The following GLIS3 variants were observed in gnomAD, a reference collection of about 807,000 sequenced individuals.
GLIS3 encodes zinc finger protein GLIS3.
In GLIS3, 53 loss-of-function variants were observed where a neutral mutation model predicts 78.6. That is an observed-to-expected ratio of 0.67 (90% confidence interval 0.54 to 0.85). GLIS3 has a LOEUF of 0.85. GLIS3 is among the 40% of genes least tolerant of loss of function. The probability of loss-of-function intolerance (pLI) is 0.00; values close to 1 mark genes in which losing one functional copy is unlikely to be tolerated. For missense variants in GLIS3, 1,703 were observed against 1,231.1 expected (o/e 1.38, Z -5.74); for synonymous variants, 684 against 509.9 (o/e 1.34, Z -4.60).
At chr9:4,134,469 C>A (rs1002269987) in intron 2 of GLIS3, among the ~76,000 whole-genome samples, 1 of 152,130 alleles carries the variant, frequency 6.6e-6, no homozygotes, top group African/African-American at 2.4e-5. Context: ...TAACTTTGGT[C>A]ATTTAGCAGA....
Position 3,977,630 on chromosome 9 carries a change from C to A in GLIS3, c.1711-40441G>T, listed in dbSNP as rs761031222. Among the ~76,000 whole-genome samples the A allele has an allele frequency of 6.6e-6, 1 of 152,160 alleles. No homozygotes were observed. The highest frequency in any genetic ancestry group is 2.1e-4 in the South Asian group (1 of 4,836). ...ATCTGTCACTCCGATTTTAATTAGA[C>A]GGCTTAAAGCAGCCACATCAATAAT... On this transcript the variant is annotated intron_variant, in intron 4 of 10. Transcript: ENST00000381971. The surrounding 1 kb of genome is among the most constrained non-coding windows in gnomAD (Gnocchi z 4.1).
chr9:4,162,817 A>G (rs1185556804), intron 2 of GLIS3, among the ~76,000 whole-genome samples: 1 of 144,104 alleles, frequency 6.9e-6, no homozygotes, highest in African/African-American at 2.6e-5. Context: ...AGATTTCACC[A>G]CTGCACTCCA....
At chr9:4,175,415 T>C (rs946761596) in intron 2 of GLIS3, among the ~76,000 whole-genome samples, 1 of 152,192 alleles carries the variant, frequency 6.6e-6, no homozygotes, top group South Asian at 2.1e-4. Context: ...CTGGAACTTA[T>C]CCCATGCTAG....
At chr9:4,425,222 T>C in the GLIS3 span, among the ~76,000 whole-genome samples, 1 of 152,220 alleles carries the variant, frequency 6.6e-6, no homozygotes. Flanking sequence ...ATTTTTATCA[T>C]GTTTAAGGCA....
At chr9:4,101,794 T>C (rs1179286493) in intron 4 of GLIS3, among the ~76,000 whole-genome samples, 4 of 152,174 alleles carry the variant, frequency 2.6e-5, no homozygotes, top group Non-Finnish European at 5.9e-5. Context: ...GATGGAAAGA[T>C]AACTCTTTCC....
the GLIS3 span, among the ~76,000 whole-genome samples, chr9:4,467,490 A>C: frequency 6.6e-6 from 1 of 152,240 alleles, no homozygotes; most frequent in African/African-American, 2.4e-5. Context: ...GCTGTTCCGC[A>C]GCCTCCGCTG....
the GLIS3 span, among the ~76,000 whole-genome samples, chr9:4,373,385 C>T: frequency 6.6e-6 from 1 of 152,182 alleles, no homozygotes; most frequent in African/African-American, 2.4e-5. Flanking sequence ...AATTCAGAAT[C>T]TGGGAGTAGT....
In GLIS3 at chr9:3,907,691, A is replaced by G. The variant is rs73386124; in HGVS notation, c.1984-8856T>C. On this transcript the variant is annotated intron_variant, in intron 6 of 10. Coordinates refer to ENST00000381971, the MANE Select transcript of GLIS3 (RefSeq NM_001042413.2). ...TGCTCCTTTGCCTCAAAGTGAGACA[A>G]ATGCTGAGACGTTATGTTCCAGAGC... Among the ~76,000 whole-genome samples the G allele has an allele frequency of 6.9e-3, 1,038 of 151,328 alleles. 11 individuals carry two copies. Among genetic ancestry groups the G allele is most frequent in the African/African-American group, 0.023 (963 of 41,120 alleles).
intron 4 of GLIS3, among the ~76,000 whole-genome samples, chr9:3,973,363 A>G (rs953236220): frequency 6.6e-6 from 1 of 152,114 alleles, no homozygotes; most frequent in Non-Finnish European, 1.5e-5. Context: ...GTGTGTCCCA[A>G]AGCCTCCACT....
chr9:4,345,662 T>C (rs1817888405), intron 2 of GLIS3, among the ~76,000 whole-genome samples: 1 of 152,236 alleles, frequency 6.6e-6, no homozygotes, highest in Non-Finnish European at 1.5e-5. Context: ...CAGAAATTTA[T>C]CTTCTTTTCC....
intron 2 of GLIS3, among the ~76,000 whole-genome samples, chr9:4,227,550 G>A (rs150492260): frequency 1.2e-4 from 19 of 152,282 alleles, no homozygotes; most frequent in African/African-American, 3.4e-4. Context: ...TTCCATGTGA[G>A]TATCTCCTAT....
In GLIS3 at chr9:4,196,077, A is replaced by G. The variant is rs557227450; in HGVS notation, c.389-70136T>C. On this transcript the variant is annotated intron_variant, in intron 2 of 10. Coordinates refer to ENST00000381971, the MANE Select transcript of GLIS3 (RefSeq NM_001042413.2). Reference sequence around the variant, plus strand: ...CTAAAGGATTGTGAATGGACCAATCAGCACTCTGTCTAGCTCAAGGTTTGT... The same window carrying G: ...CTAAAGGATTGTGAATGGACCAATCGGCACTCTGTCTAGCTCAAGGTTTGT... Among the ~76,000 whole-genome samples, 202 of 152,240 alleles carry G rather than the reference A, an allele frequency of 1.3e-3. 2 individuals carry two copies. The highest frequency in any genetic ancestry group is 4.7e-3 in the African/African-American group (197 of 41,534).
chr9:4,256,268 C>T (rs1032565207), intron 2 of GLIS3, among the ~76,000 whole-genome samples: 4 of 152,022 alleles, frequency 2.6e-5, no homozygotes, highest in Admixed American at 2.6e-4. Context: ...CCTTTTAGAT[C>T]TTTGTATCAT....
upstream of GLIS3, among the ~76,000 whole-genome samples, chr9:4,304,788 C>G (rs1292802163): frequency 6.6e-6 from 1 of 152,178 alleles, no homozygotes; most frequent in Non-Finnish European, 1.5e-5. Context: ...TTAAATATAC[C>G]TGCAAAGGGG....
the GLIS3 span, among the ~76,000 whole-genome samples, chr9:4,366,772 G>T: frequency 6.6e-6 from 1 of 152,162 alleles, no homozygotes; most frequent in Non-Finnish European, 1.5e-5. Flanking sequence ...AGAGAGCAGG[G>T]ACTGAATTTA....
chr9:4,363,575 C>G, the GLIS3 span, among the ~76,000 whole-genome samples: 3 of 152,182 alleles, frequency 2.0e-5, no homozygotes, highest in African/African-American at 7.2e-5. Flanking sequence ...TGTAGAAATT[C>G]TGCAATACAT....
intron 4 of GLIS3, among the ~76,000 whole-genome samples, chr9:4,022,371 C>T (rs1822961171): frequency 6.6e-6 from 1 of 152,194 alleles, no homozygotes; most frequent in Non-Finnish European, 1.5e-5. Flanking sequence ...TATAAAAGCA[C>T]ATTTTCAGCA....
chr9:4,392,260 G>T, the GLIS3 span, among the ~76,000 whole-genome samples: 1 of 151,798 alleles, frequency 6.6e-6, no homozygotes, highest in African/African-American at 2.4e-5. Flanking sequence ...GTCGGGGGAG[G>T]GAGAACATCA....
chr9:3,934,548 T>G (rs1242102836), intron 5 of GLIS3, among the ~76,000 whole-genome samples: 4 of 152,198 alleles, frequency 2.6e-5, no homozygotes, highest in Non-Finnish European at 5.9e-5. Flanking sequence ...TAGCTGGAAT[T>G]ACAGGCATGT....
Sources: allele counts gnomAD v4.1 joint callset (sites outside exome capture counted in the v4.1 genomes callset), GRCh38; gene constraint gnomAD v4.1.1; non-coding constraint Gnocchi (gnomAD v3.1); transcripts MANE v1.5; gene names NCBI Gene and HGNC (gene_info 2026-07-23, HGNC 2026-07-21).